SH3GL2: variants seen among roughly 807,000 people sequenced by gnomAD.
SH3GL2 encodes the protein endophilin-A1.
In SH3GL2, 24 loss-of-function variants were observed where a neutral mutation model predicts 46.0. The observed-to-expected ratio is 0.52, with a 90% CI of 0.38 to 0.73. The LOEUF is 0.73. Among genes scored for constraint, SH3GL2 ranks in the 30% least tolerant of loss-of-function variants. The probability of loss-of-function intolerance (pLI) is 0.00; values close to 1 mark genes in which losing one functional copy is unlikely to be tolerated. For missense variants in SH3GL2, 413 were observed against 424.2 expected (o/e 0.97, Z 0.23); for synonymous variants, 196 against 147.1 (o/e 1.33, Z -2.40).
chr9:17,688,752 C>T (rs771311329), intron 1 of SH3GL2, among the ~76,000 whole-genome samples: 8 of 151,932 alleles, frequency 5.3e-5, no homozygotes, highest in Non-Finnish European at 1.0e-4. Flanking sequence ...AAAATTTGAA[C>T]AGAAAAATAA....
intron 1 of SH3GL2, among the ~76,000 whole-genome samples, chr9:17,598,434 A>G (rs866412417): frequency 2.0e-5 from 3 of 152,340 alleles, no homozygotes; most frequent in Middle Eastern, 6.8e-3. Flanking sequence ...TCTGTCTCAC[A>G]GAAATGTGTG....
At chr9:17,603,642 C>G (rs1043944167) in intron 1 of SH3GL2, among the ~76,000 whole-genome samples, 1 of 152,116 alleles carries the variant, frequency 6.6e-6, no homozygotes, top group African/African-American at 2.4e-5. Flanking sequence ...CCATGGGTCA[C>G]CTGAGGTCAG....
At chr9:17,685,958 A>G (rs1424674424) in intron 1 of SH3GL2, among the ~76,000 whole-genome samples, 1 of 149,102 alleles carries the variant, frequency 6.7e-6, no homozygotes, top group African/African-American at 2.5e-5. Context: ...TAATTAAACT[A>G]AAGAGCTTCT....
chr9:17,751,296 T>C (rs1285329532), intron 2 of SH3GL2, among the ~76,000 whole-genome samples: 3 of 152,178 alleles, frequency 2.0e-5, no homozygotes, highest in African/African-American at 7.2e-5. Context: ...TAGGAAAATG[T>C]CCATGGTCAT....
intron 8 of SH3GL2, among the ~76,000 whole-genome samples, chr9:17,794,790 C>T (rs1824232611): frequency 6.6e-6 from 1 of 152,132 alleles, no homozygotes; most frequent in Non-Finnish European, 1.5e-5. Flanking sequence ...TATGCCATAG[C>T]TCCAGTGCAC....
In SH3GL2 at chr9:17,743,348, C is replaced by T. The variant is rs564495399; in HGVS notation, c.46-3718C>T. Among the ~76,000 whole-genome samples the T allele has an allele frequency of 1.2e-4, 18 of 152,040 alleles. No individual in the cohort carries two copies. In the South Asian group the frequency reaches 1.2e-3, roughly 11 times the overall value. On this transcript the variant is annotated intron_variant, in intron 1 of 8. Transcript: ENST00000380607. ...ACTTTTTCCCCCAGGAATCTAATTA[C>T]GTAAGAAATTTTTTATATCAACCAA...
chr9:17,648,274 G>A (rs1819875283), intron 1 of SH3GL2, among the ~76,000 whole-genome samples: 1 of 152,158 alleles, frequency 6.6e-6, no homozygotes, highest in African/African-American at 2.4e-5. Context: ...ATCTGTGCTT[G>A]AGGGAAAAGA....
chr9:17,771,189 T>C (rs1007039211), intron 3 of SH3GL2, among the ~76,000 whole-genome samples: 1 of 152,148 alleles, frequency 6.6e-6, no homozygotes, highest in Admixed American at 6.5e-5. Context: ...ATACCTTACA[T>C]TGAAGTAGGA....
chr9:17,770,915 C>G (rs1823460858), intron 3 of SH3GL2, among the ~76,000 whole-genome samples: 1 of 152,164 alleles, frequency 6.6e-6, no homozygotes, highest in African/African-American at 2.4e-5. Flanking sequence ...TCTCTGGCCT[C>G]CACATGGCAA....
At chr9:17,735,425 A>G (rs1470628798) in intron 1 of SH3GL2, among the ~76,000 whole-genome samples, 1 of 152,122 alleles carries the variant, frequency 6.6e-6, no homozygotes, top group East Asian at 1.9e-4. Context: ...TGCATGTGTG[A>G]GATTTGTATT....
intron 1 of SH3GL2, among the ~76,000 whole-genome samples, chr9:17,703,752 A>C (rs1821396368): frequency 6.6e-6 from 1 of 152,120 alleles, no homozygotes; most frequent in East Asian, 1.9e-4. Flanking sequence ...ACAATTCAGC[A>C]TCCGTTCATG....
chr9:17,621,233 G>A (rs185993267), intron 1 of SH3GL2, among the ~76,000 whole-genome samples: 63 of 152,292 alleles, frequency 4.1e-4, no homozygotes, highest in African/African-American at 1.3e-3. Context: ...TACAATGAAT[G>A]TCTTTATGCA....
chr9:17,762,311 C>A (rs976635903), intron 3 of SH3GL2, among the ~76,000 whole-genome samples: 6 of 151,364 alleles, frequency 4.0e-5, no homozygotes, highest in African/African-American at 1.5e-4. Context: ...GTTGGGGTTC[C>A]GTGTATTTTA....
chr9:17,630,475 C>T (rs1326720878), intron 1 of SH3GL2: 1 of 152,214 alleles, frequency 6.6e-6, no homozygotes, highest in African/African-American at 2.4e-5. Flanking sequence ...CACCCTACTC[C>T]GTTTGTTGGA....
intron 1 of SH3GL2, among the ~76,000 whole-genome samples, chr9:17,694,123 C>T (rs1430913589): frequency 6.6e-6 from 1 of 152,042 alleles, no homozygotes; most frequent in Admixed American, 6.6e-5. Flanking sequence ...GACCAATTTT[C>T]TGTATTAGTC....
At chr9:17,750,009 G>T (rs184922300) in intron 2 of SH3GL2, among the ~76,000 whole-genome samples, 20 of 152,236 alleles carry the variant, frequency 1.3e-4, no homozygotes, top group Non-Finnish European at 2.6e-4. Context: ...TTAGGTTTCA[G>T]TGCAGTGTGG....
At chr9:17,599,702 A>AG (rs1818634971) in intron 1 of SH3GL2, among the ~76,000 whole-genome samples, 1 of 152,156 alleles carries the variant, frequency 6.6e-6, no homozygotes, top group Non-Finnish European at 1.5e-5. Context: ...CTAGCCAGGC[A>AG]TTTGTAGCAT....
intron 1 of SH3GL2, among the ~76,000 whole-genome samples, chr9:17,615,394 T>C (rs867859052): frequency 9.9e-5 from 15 of 152,178 alleles, no homozygotes; most frequent in Middle Eastern, 3.2e-3. Context: ...CGGTGGCTCA[T>C]GCCTATAATC....
intron 3 of SH3GL2, 101 bp downstream of exon 3, chr9:17,761,610 C>A (rs1170493867): frequency 7.3e-6 from 6 of 820,488 alleles, no homozygotes; most frequent in Non-Finnish European, 1.3e-5. Context: ...TTTGGTGTTG[C>A]TTCCTCGGTC....
Sources: gnomAD v4.1 joint callset for allele counts (sites outside exome capture counted in the v4.1 genomes callset) on GRCh38, gnomAD v4.1.1 for gene constraint, MANE v1.5 for transcripts, NCBI Gene and HGNC (gene_info 2026-07-23, HGNC 2026-07-21) for gene names.